The following HS3ST5 variants were observed in gnomAD, a reference collection of about 807,000 sequenced individuals.
The protein encoded by HS3ST5 is heparan sulfate-glucosamine 3-sulfotransferase 5.
A neutral mutation model predicts 25.4 loss-of-function variants in HS3ST5; 10 were observed. The observed-to-expected ratio is 0.39, with a 90% CI of 0.24 to 0.67. HS3ST5 has a LOEUF of 0.67. Ranked by LOEUF, HS3ST5 falls within the 30% of genes least tolerant of loss-of-function variation. HS3ST5 has a pLI of 0.44. For synonymous variants in HS3ST5, 170 were observed against 162.4 expected (o/e 1.05, Z -0.36); for missense variants, 324 against 420.7 (o/e 0.77, Z 2.01).
At chr6:114,235,377 G>T (rs1211608293) in intron 1 of HS3ST5, among the ~76,000 whole-genome samples, 2 of 149,046 alleles carry the variant, frequency 1.3e-5, no homozygotes, top group Non-Finnish European at 3.0e-5. Flanking sequence ...TGTATGATAA[G>T]AACTAAACAA....
At chr6:114,226,733 T>C (rs550873185) in intron 2 of HS3ST5, among the ~76,000 whole-genome samples, 2 of 152,166 alleles carry the variant, frequency 1.3e-5, no homozygotes, top group Middle Eastern at 3.4e-3. Context: ...ACTGTCTTGC[T>C]CAGGTTCCCT....
chr6:114,193,147 T>C (rs1162136682), intron 2 of HS3ST5, among the ~76,000 whole-genome samples: 1 of 152,172 alleles, frequency 6.6e-6, no homozygotes, highest in East Asian at 1.9e-4. Flanking sequence ...ATTAGCAAAC[T>C]TCTATTAATC....
intron 2 of HS3ST5, chr6:114,179,153 T>C (rs896934595): frequency 6.6e-6 from 1 of 152,174 alleles, no homozygotes; most frequent in Non-Finnish European, 1.5e-5. Context: ...GTAAGCTCCA[T>C]GAAGGTAGGT....
intron 2 of HS3ST5, among the ~76,000 whole-genome samples, chr6:114,201,613 T>G (rs538512985): frequency 6.6e-6 from 1 of 152,306 alleles, no homozygotes; most frequent in East Asian, 1.9e-4. Context: ...ATTCCTCACG[T>G]TCTTCAAGAC....
intron 3 of HS3ST5, among the ~76,000 whole-genome samples, chr6:114,166,970 A>G (rs1452005073): frequency 6.6e-6 from 1 of 152,250 alleles, no homozygotes; most frequent in Non-Finnish European, 1.5e-5. Flanking sequence ...GTTTAAAACT[A>G]TAAGAACAGA....
intron 2 of HS3ST5, among the ~76,000 whole-genome samples, chr6:114,186,862 T>C (rs1035760715): frequency 6.6e-6 from 1 of 152,202 alleles, no homozygotes; most frequent in Non-Finnish European, 1.5e-5. Context: ...GATGACTTTA[T>C]ACTGAAGCCA....
rs115964157 is a variant in HS3ST5, at chr6:114,177,288, T to C, written c.-144-8826A>G. 1.9e-3 allele frequency among the ~76,000 whole-genome samples: 284 copies of C among 152,350 alleles called. 1 individual carries two copies. Among genetic ancestry groups the C allele is most frequent in the African/African-American group, 6.7e-3 (277 of 41,582 alleles). ...AGAACAATGGAAACATACATTACGA[T>C]AGCCATACCTTTTCCTCCTTTAAAT... On this transcript the variant is annotated intron_variant, in intron 2 of 4. Coordinates refer to ENST00000312719, the MANE Select transcript of HS3ST5 (RefSeq NM_153612.4).
At chr6:114,208,108 A>G (rs546308566) in intron 2 of HS3ST5, among the ~76,000 whole-genome samples, 2 of 152,328 alleles carry the variant, frequency 1.3e-5, no homozygotes, top group East Asian at 3.9e-4. Flanking sequence ...AAAACTAGAA[A>G]TAGTAGCAAT....
At chr6:114,159,133 A>G (rs973035317) in intron 3 of HS3ST5, among the ~76,000 whole-genome samples, 15 of 152,216 alleles carry the variant, frequency 9.9e-5, no homozygotes, top group African/African-American at 3.6e-4. Context: ...AGTCCAAAGA[A>G]CATAACTAGT....
chr6:114,342,185 C>T lies in HS3ST5; in HGVS notation c.-339+10G>A, dbSNP rs930595035. ...TCCCCCGCGCGAGGCGGGCAGCGCGCCTTGCTCACCGTGGTCCCCGGCGGT... is the reference window on the plus strand; with the variant it reads ...TCCCCCGCGCGAGGCGGGCAGCGCGTCTTGCTCACCGTGGTCCCCGGCGGT... On this transcript the variant is annotated intron_variant, in intron 1 of 4. Transcript: ENST00000312719. 2 of 152,554 alleles carry T rather than the reference C, an allele frequency of 1.3e-5. No homozygotes were observed. The highest frequency in any genetic ancestry group is 2.4e-5 in the African/African-American group (1 of 41,450). The allele number at this position is 152,554 out of a possible 1,614,324, so 9.5% of individuals were successfully genotyped here. A position where few individuals can be genotyped will look rare whatever the true frequency, so the allele number is the denominator to read the frequency against.
chr6:114,314,347 T>C lies in HS3ST5; in HGVS notation c.-339+27848A>G, dbSNP rs1247632881. On this transcript the variant is annotated intron_variant, in intron 1 of 4. Coordinates refer to ENST00000312719, the MANE Select transcript of HS3ST5 (RefSeq NM_153612.4). ...GACATCATACTTTAACAACCACTAC[T>C]TTAGACATAGACACAAATGATTCCT... 2.0e-5 allele frequency among the ~76,000 whole-genome samples: 3 copies of C among 152,186 alleles called. No homozygotes were observed. The East Asian group carries it at 5.8e-4, about 29-fold the overall frequency.
intron 1 of HS3ST5, among the ~76,000 whole-genome samples, chr6:114,301,719 A>G (rs980138035): frequency 2.6e-5 from 4 of 152,042 alleles, no homozygotes; most frequent in Non-Finnish European, 5.9e-5. Context: ...CTCATCATCC[A>G]TCTCCTGAAA....
chr6:114,290,709 A>AT (rs1347633717), intron 1 of HS3ST5, among the ~76,000 whole-genome samples: 1 of 152,042 alleles, frequency 6.6e-6, no homozygotes, highest in East Asian at 1.9e-4. Context: ...TTGGGAACAC[A>AT]TTTTTTATTT....
intron 1 of HS3ST5, among the ~76,000 whole-genome samples, chr6:114,311,006 C>T (rs900681490): frequency 6.6e-6 from 1 of 152,114 alleles, no homozygotes; most frequent in Non-Finnish European, 1.5e-5. Flanking sequence ...AGAATAAATA[C>T]ATTAAATAAA....
At chr6:114,150,016 G>A (rs1036825293) in intron 3 of HS3ST5, among the ~76,000 whole-genome samples, 1 of 152,116 alleles carries the variant, frequency 6.6e-6, no homozygotes, top group Admixed American at 6.5e-5. Context: ...ATGTTAGGAG[G>A]ATGCTCTGGT....
At chr6:114,111,090 T>C (rs1380355233) in intron 3 of HS3ST5, among the ~76,000 whole-genome samples, 1 of 152,210 alleles carries the variant, frequency 6.6e-6, no homozygotes, top group East Asian at 1.9e-4. Context: ...TTATTTTTAG[T>C]AAACTATCGT....
intron 1 of HS3ST5, among the ~76,000 whole-genome samples, chr6:114,275,972 G>A (rs907450927): frequency 6.6e-6 from 1 of 151,838 alleles, no homozygotes; most frequent in Non-Finnish European, 1.5e-5. Context: ...AATTTAGGTT[G>A]GGCCCCTTTC....
chr6:114,310,115 A>G (rs1775465441), intron 1 of HS3ST5, among the ~76,000 whole-genome samples: 1 of 152,150 alleles, frequency 6.6e-6, no homozygotes, highest in African/African-American at 2.4e-5. Context: ...TGATGGGGGA[A>G]AAAATTAAAC....
chr6:114,149,451 A>G (rs1235518989), intron 3 of HS3ST5, among the ~76,000 whole-genome samples: 1 of 152,192 alleles, frequency 6.6e-6, no homozygotes, highest in Admixed American at 6.5e-5. Flanking sequence ...TGAAGCTGGA[A>G]GCCATCATTT....
Sources: gnomAD v4.1 joint callset for allele counts (sites outside exome capture counted in the v4.1 genomes callset) on GRCh38, gnomAD v4.1.1 for gene constraint, MANE v1.5 for transcripts, NCBI Gene and HGNC (gene_info 2026-07-23, HGNC 2026-07-21) for gene names.